Variants in NRXN1 observed in about 807,000 individuals in gnomAD.
NRXN1 encodes the protein neurexin 1.
Under a neutral mutation model 150.9 loss-of-function variants are expected in NRXN1, and 39 were observed. That is an observed-to-expected ratio of 0.26 (90% CI 0.20 to 0.34). NRXN1 has a LOEUF of 0.34. Among genes scored for constraint, NRXN1 ranks in the 10% least tolerant of loss-of-function variants. The pLI is 1.00. For synonymous variants in NRXN1, 924 were observed against 757.0 expected (o/e 1.22, Z -3.62); for missense variants, 1,815 against 1,949.9 (o/e 0.93, Z 1.30).
chr2:50,918,833 T>A lies in NRXN1; in HGVS notation c.832+3036A>T, dbSNP rs147982719. ...CCTAACAACAACATCATTGACAAAT[T>A]TCAAGCCCCAAAAAAATGTGATCCA... On this transcript the variant is annotated intron_variant, in intron 5 of 22. Transcript: ENST00000401669. The A allele has an allele frequency of 6.2e-5, 15 of 242,548 alleles. No individual in the cohort carries two copies. In the East Asian group the frequency reaches 9.2e-4, roughly 15 times the overall value. 15.0% of individuals were successfully genotyped at this position (242,548 alleles called of 1,614,324 possible).
At position 50,347,598 on chromosome 2, in the gene NRXN1, C is replaced by T. The variant is rs1338515628; in HGVS notation, c.3365-110628G>A. 1 of 1,010,276 alleles carries T rather than the reference C, an allele frequency of 9.9e-7. No homozygotes were observed. 62.6% of individuals were successfully genotyped at this position (1,010,276 alleles called of 1,614,324 possible). A position where few individuals can be genotyped will look rare whatever the true frequency, so the allele number is the denominator to read the frequency against. Reference sequence around the variant, plus strand: ...CTGCTCCCGAGGCAATCTCCGCGTCCGCCGCCTCCTGACACTTACGCCCGG... The same window carrying T: ...CTGCTCCCGAGGCAATCTCCGCGTCTGCCGCCTCCTGACACTTACGCCCGG... On this transcript the variant is annotated intron_variant, in intron 17 of 22. Transcript: ENST00000401669. This position sits in a 1 kb window ranked among gnomAD's most constrained non-coding sequence, Gnocchi z 4.9.
chr2:50,141,014 T>A (rs964442804), intron 18 of NRXN1, among the ~76,000 whole-genome samples: 11 of 152,074 alleles, frequency 7.2e-5, no homozygotes, highest in African/African-American at 2.7e-4. Context: ...CAAGCTGGCT[T>A]ATTAATACTA....
chr2:50,075,946 C>T (rs77936706), intron 19 of NRXN1, among the ~76,000 whole-genome samples: 1,817 of 152,216 alleles, frequency 0.012, 47 homozygotes, highest in African/African-American at 0.042. Flanking sequence ...TACACAGTGC[C>T]CTGTCCACCA....
At chr2:50,440,320 T>C (rs1489119860) in intron 17 of NRXN1, among the ~76,000 whole-genome samples, 2 of 152,260 alleles carry the variant, frequency 1.3e-5, no homozygotes, top group African/African-American at 2.4e-5. Flanking sequence ...AGTTTGGAGA[T>C]GGGATGCCGA....
At chr2:50,043,019 G>A (rs752630505) in intron 21 of NRXN1, among the ~76,000 whole-genome samples, 2 of 152,172 alleles carry the variant, frequency 1.3e-5, no homozygotes, top group Admixed American at 6.5e-5. Context: ...GCTGGCAGAT[G>A]AGTCAGTATA....
intron 17 of NRXN1, among the ~76,000 whole-genome samples, chr2:50,350,390 C>T (rs531684566): frequency 1.3e-5 from 2 of 152,220 alleles, no homozygotes; most frequent in South Asian, 2.1e-4. Context: ...AACACAAAAA[C>T]GTGGTGCTAA....
chr2:50,633,081 A>G (rs1245951385), intron 5 of NRXN1: 3 of 152,140 alleles, frequency 2.0e-5, no homozygotes, highest in Admixed American at 1.3e-4. Context: ...AATATACTTA[A>G]CAAGTTTCAT....
intron 17 of NRXN1, among the ~76,000 whole-genome samples, chr2:50,418,944 T>A (rs1249292300): frequency 6.6e-6 from 1 of 152,102 alleles, no homozygotes; most frequent in Non-Finnish European, 1.5e-5. Context: ...TTAAGCTTTT[T>A]ATCATTTAAA....
intron 8 of NRXN1, among the ~76,000 whole-genome samples, chr2:50,618,776 T>C (rs1007314200): frequency 5.3e-5 from 8 of 149,952 alleles, no homozygotes; most frequent in African/African-American, 1.5e-4. Context: ...ATAATAATAA[T>C]AATAAATAAT....
At chr2:50,783,757 T>C (rs3850335) in intron 5 of NRXN1, among the ~76,000 whole-genome samples, 123,143 of 152,060 alleles carry the variant, frequency 0.81, 49,954 homozygotes, top group East Asian at 0.88. Flanking sequence ...CTTTTCCAAG[T>C]GTGGGAATAA....
chr2:50,286,635 C>A (rs1473353763), intron 17 of NRXN1, among the ~76,000 whole-genome samples: 1 of 152,014 alleles, frequency 6.6e-6, no homozygotes, highest in African/African-American at 2.4e-5. Context: ...GAATGATAAA[C>A]CAAAACAAAC....
intron 9 of NRXN1, among the ~76,000 whole-genome samples, chr2:50,542,929 C>G (rs764557970): frequency 6.6e-6 from 1 of 152,116 alleles, no homozygotes. Flanking sequence ...TATTAAGGTT[C>G]CCGTGTGCTT....
At chr2:50,659,148 G>C (rs140721417) in intron 5 of NRXN1, among the ~76,000 whole-genome samples, 256 of 152,104 alleles carry the variant, frequency 1.7e-3, no homozygotes, top group Non-Finnish European at 2.9e-3. Context: ...CCATCAAGTA[G>C]GGAGGATGCT....
At chr2:50,612,641 A>G (rs770406945) in intron 8 of NRXN1, among the ~76,000 whole-genome samples, 10 of 152,202 alleles carry the variant, frequency 6.6e-5, no homozygotes, top group Admixed American at 2.6e-4. Context: ...CCTACTTTTC[A>G]TGTACATTTG....
intron 17 of NRXN1, among the ~76,000 whole-genome samples, chr2:50,434,193 G>A (rs1331825248): frequency 6.6e-6 from 1 of 151,626 alleles, no homozygotes; most frequent in Non-Finnish European, 1.5e-5. Flanking sequence ...CCAAGTAGCT[G>A]GGACTAGAGG....
At chr2:50,634,873 C>G (rs968507060) in intron 5 of NRXN1, among the ~76,000 whole-genome samples, 1 of 152,126 alleles carries the variant, frequency 6.6e-6, no homozygotes, top group African/African-American at 2.4e-5. Context: ...CCTTACTGAC[C>G]TCTGCTGCCC....
chr2:50,131,209 G>T (rs1163820031), intron 18 of NRXN1, among the ~76,000 whole-genome samples: 1 of 152,126 alleles, frequency 6.6e-6, no homozygotes, highest in South Asian at 2.1e-4. Context: ...ATCTTCAAGA[G>T]AATAATATTT....
chr2:50,674,243 T>C (rs1689253381), intron 5 of NRXN1, among the ~76,000 whole-genome samples: 2 of 152,120 alleles, frequency 1.3e-5, no homozygotes, highest in African/African-American at 4.8e-5. Context: ...AGAAAAGTCA[T>C]TCTCGTTAGA....
chr2:50,734,073 C>A (rs528964894), intron 5 of NRXN1, among the ~76,000 whole-genome samples: 14 of 152,084 alleles, frequency 9.2e-5, no homozygotes, highest in African/African-American at 3.4e-4. Context: ...CATGTAAAGA[C>A]AATTTTGGTT....
Sources: gnomAD v4.1 joint callset for allele counts (sites outside exome capture counted in the v4.1 genomes callset) on GRCh38, gnomAD v4.1.1 for gene constraint, Gnocchi (gnomAD v3.1) non-coding constraint, MANE v1.5 for transcripts, NCBI Gene and HGNC (gene_info 2026-07-23, HGNC 2026-07-21) for gene names.